Variants in AFTPH observed in about 807,000 individuals in gnomAD.
AFTPH encodes the protein aftiphilin.
AFTPH carries 7 observed loss-of-function variants against 72.5 expected under a neutral mutation model. That is an observed-to-expected ratio of 0.10 (90% CI 0.05 to 0.18). The LOEUF (loss-of-function observed/expected upper bound fraction) is 0.18. AFTPH is among the 10% of genes least tolerant of loss of function. The probability of loss-of-function intolerance (pLI) is 1.00; values close to 1 mark genes in which losing one functional copy is unlikely to be tolerated. For synonymous variants in AFTPH, 337 were observed against 370.1 expected (o/e 0.91, Z 1.03); for missense variants, 979 against 1,060.5 (o/e 0.92, Z 1.07).
At chr2:64,530,145 G>C (rs1296391470) in intron 1 of AFTPH, among the ~76,000 whole-genome samples, 1 of 152,092 alleles carries the variant, frequency 6.6e-6, no homozygotes, top group African/African-American at 2.4e-5. Context: ...AACAGAGTGA[G>C]GCTCCGTCTC....
chr2:64,569,102 G>T, exon 4 of AFTPH: 1 of 1,614,092 alleles, frequency 6.2e-7, no homozygotes, highest in South Asian at 1.1e-5. Context: ...GGAATTGCTA[G>T]ATGTGTGGAC....
intron 2 of AFTPH, among the ~76,000 whole-genome samples, chr2:64,558,641 C>T (rs1030550019): frequency 3.9e-5 from 6 of 152,230 alleles, no homozygotes; most frequent in Non-Finnish European, 8.8e-5. Context: ...CCATACAATT[C>T]AAAAACAATC....
chr2:64,562,543 G>T (rs1024337259), intron 2 of AFTPH, among the ~76,000 whole-genome samples: 3 of 152,106 alleles, frequency 2.0e-5, no homozygotes, highest in Admixed American at 2.0e-4. Context: ...TAGGAACTCA[G>T]CCTCTCCACT....
At chr2:64,562,218 C>T (rs1671785357) in intron 2 of AFTPH, among the ~76,000 whole-genome samples, 1 of 151,766 alleles carries the variant, frequency 6.6e-6, no homozygotes, top group Non-Finnish European at 1.5e-5. Flanking sequence ...TATTTTATGT[C>T]TTGTAATTAT....
chr2:64,576,055 C>A (rs1406429625), intron 6 of AFTPH, among the ~76,000 whole-genome samples: 2 of 144,004 alleles, frequency 1.4e-5, no homozygotes, highest in African/African-American at 5.2e-5. Flanking sequence ...ATATTTCTTA[C>A]CACTCTTCTT....
chr2:64,592,092 A>C, exon 9 of AFTPH: 4 of 1,487,072 alleles, frequency 2.7e-6, no homozygotes, highest in African/African-American at 1.4e-5. Context: ...CTTCCCTACC[A>C]TCAAAAGCAT....
At chr2:64,570,813 TTG>T (rs955406724) in intron 5 of AFTPH, among the ~76,000 whole-genome samples, 2 of 152,128 alleles carry the variant, frequency 1.3e-5, no homozygotes, top group Non-Finnish European at 2.9e-5. Flanking sequence ...TCTGTGAGGT[TTG>T]TGAGAAGTTA....
exon 9 of AFTPH, chr2:64,592,914 A>G (rs1011146620): frequency 5.2e-5 from 8 of 152,652 alleles, no homozygotes; most frequent in African/African-American, 1.9e-4. Context: ...AAGAACCTCT[A>G]ACAAGGTTAA....
At chr2:64,529,583 A>G (rs1446189789) in intron 1 of AFTPH, among the ~76,000 whole-genome samples, 1 of 151,954 alleles carries the variant, frequency 6.6e-6, no homozygotes, top group African/African-American at 2.4e-5. Context: ...CTTATTGCAG[A>G]GGCATACAGG....
intron 1 of AFTPH, among the ~76,000 whole-genome samples, chr2:64,531,626 A>G (rs1020136227): frequency 6.6e-6 from 1 of 152,266 alleles, no homozygotes; most frequent in Non-Finnish European, 1.5e-5. Flanking sequence ...TACAGTAGCC[A>G]CTAGCCAAAT....
At position 64,585,561 on chromosome 2, in the gene AFTPH, CAAT is replaced by C. The variant is rs1161961324; in HGVS notation, c.2579+17_2579+19del. 5 of 1,579,906 alleles carry C rather than the reference CAAT, an allele frequency of 3.2e-6. No homozygotes were observed. The highest frequency in any genetic ancestry group is 4.3e-6 in the Non-Finnish European group (5 of 1,169,284). ...CATCTACCAGGTAAATAAATAGTGT[CAAT>C]TATACCCACATTTTGAATTCTGAGA... On this transcript the variant is annotated intron_variant, in intron 8 of 8. Transcript: ENST00000238856.
chr2:64,553,925 T>G (rs1671204594), intron 2 of AFTPH, among the ~76,000 whole-genome samples: 1 of 152,124 alleles, frequency 6.6e-6, no homozygotes, highest in Non-Finnish European at 1.5e-5. Context: ...AACCTCATTC[T>G]GTGCCAAAGG....
At chr2:64,552,802 G>A (rs756372071) in exon 2 of AFTPH, 16 of 1,614,186 alleles carry the variant, frequency 9.9e-6, no homozygotes, top group Non-Finnish European at 1.4e-5. Flanking sequence ...TCTGCCAGTG[G>A]CTCAACTCCA....
At chr2:64,550,243 A>G (rs1171260669) in intron 1 of AFTPH, among the ~76,000 whole-genome samples, 5 of 152,214 alleles carry the variant, frequency 3.3e-5, no homozygotes, top group Non-Finnish European at 7.3e-5. Flanking sequence ...TAGCAATGAA[A>G]AAGAGTCAGA....
exon 2 of AFTPH, chr2:64,552,320 T>G: frequency 6.2e-7 from 1 of 1,614,102 alleles, no homozygotes; most frequent in Non-Finnish European, 8.5e-7. Flanking sequence ...TGGCTTTGGG[T>G]AGAAGCTTGG....
At chr2:64,592,831 G>C (rs539684804) in exon 9 of AFTPH, 8 of 152,650 alleles carry the variant, frequency 5.2e-5, no homozygotes, top group African/African-American at 1.7e-4. Flanking sequence ...TATGGTTTAG[G>C]CTGTATATAC....
chr2:64,576,584 A>T (rs1231489948), intron 6 of AFTPH, among the ~76,000 whole-genome samples: 1 of 152,176 alleles, frequency 6.6e-6, no homozygotes. Flanking sequence ...TTTCCCTCTT[A>T]GTAAGGTCAA....
At chr2:64,589,948 G>T (rs1435594579) in intron 8 of AFTPH, among the ~76,000 whole-genome samples, 1 of 10,230 alleles carries the variant, frequency 9.8e-5, no homozygotes, top group South Asian at 1.7e-3. Context: ...CATATATGGG[G>T]GGGGGGGGGG....
At chr2:64,534,883 C>T (rs1327830320) in intron 1 of AFTPH, among the ~76,000 whole-genome samples, 1 of 151,922 alleles carries the variant, frequency 6.6e-6, no homozygotes, top group Non-Finnish European at 1.5e-5. Context: ...TGGAATTTCC[C>T]AAATCTAGAG....
Sources: allele counts gnomAD v4.1 joint callset (sites outside exome capture counted in the v4.1 genomes callset), GRCh38; gene constraint gnomAD v4.1.1; transcripts MANE v1.5; gene names NCBI Gene and HGNC (gene_info 2026-07-23, HGNC 2026-07-21).